Variants in CNTN5 observed in about 807,000 individuals in gnomAD.
CNTN5 encodes the protein contactin 5.
A neutral mutation model predicts 129.1 loss-of-function variants in CNTN5; 77 were observed. The ratio of observed to expected loss-of-function variants is 0.60; its 90% CI spans 0.50 to 0.72. The LOEUF is 0.72. CNTN5 is among the 30% of genes least tolerant of loss of function. The probability of loss-of-function intolerance (pLI) is 0.00; values close to 1 mark genes in which losing one functional copy is unlikely to be tolerated. For synonymous variants in CNTN5, 509 were observed against 465.6 expected (o/e 1.09, Z -1.20); for missense variants, 1,478 against 1,328.8 (o/e 1.11, Z -1.75).
chr11:99,318,989 T>A (rs1420446488), intron 1 of CNTN5, among the ~76,000 whole-genome samples: 1 of 152,164 alleles, frequency 6.6e-6, no homozygotes, highest in African/African-American at 2.4e-5. Flanking sequence ...TGACAGAATT[T>A]TATATTCTGT....
chr11:99,661,204 T>C lies in CNTN5; in HGVS notation c.55+104935T>C, dbSNP rs948671328. Among the ~76,000 whole-genome samples, 16 of 152,132 alleles carry C rather than the reference T, an allele frequency of 1.1e-4. 1 individual carries two copies. The highest frequency in any genetic ancestry group is 1.3e-4 in the Admixed American group (2 of 15,264). On this transcript the variant is annotated intron_variant, in intron 3 of 24. Transcript: ENST00000524871. Reference sequence around the variant, plus strand: ...ACAAATGGTTGGGATGATACTTAAATTAGGTCTGATAACAACATTTATATG... The same window carrying C: ...ACAAATGGTTGGGATGATACTTAAACTAGGTCTGATAACAACATTTATATG...
chr11:99,630,743 CTT>C (rs10529677), intron 3 of CNTN5, among the ~76,000 whole-genome samples: 20,092 of 152,076 alleles, frequency 0.13, 1,429 homozygotes, highest in South Asian at 0.22. Flanking sequence ...ACAGTAGAAA[CTT>C]TATATCAAGT....
At chr11:100,134,639 T>C (rs1413728291) in intron 13 of CNTN5, among the ~76,000 whole-genome samples, 1 of 152,164 alleles carries the variant, frequency 6.6e-6, no homozygotes. Flanking sequence ...GAGTGCCTAG[T>C]ACATTGTACC....
intron 1 of CNTN5, among the ~76,000 whole-genome samples, chr11:99,284,581 G>C (rs1863840405): frequency 6.8e-6 from 1 of 146,314 alleles, no homozygotes; most frequent in Non-Finnish European, 1.5e-5. Context: ...TGGAAGAACT[G>C]TTTACCCCAG....
intron 21 of CNTN5, among the ~76,000 whole-genome samples, chr11:100,336,191 A>G (rs1279433552): frequency 1.3e-5 from 2 of 152,230 alleles, no homozygotes; most frequent in Admixed American, 6.5e-5. Context: ...TTTGGAACCC[A>G]TAATCTTCTT....
intron 9 of CNTN5, among the ~76,000 whole-genome samples, chr11:100,030,520 T>C (rs1414293349): frequency 1.3e-5 from 2 of 152,220 alleles, no homozygotes; most frequent in East Asian, 3.9e-4. Context: ...GCCATAGATA[T>C]GCACAATCCA....
At chr11:99,475,924 C>T (rs1042724169) in intron 2 of CNTN5, among the ~76,000 whole-genome samples, 4 of 151,926 alleles carry the variant, frequency 2.6e-5, no homozygotes, top group Non-Finnish European at 5.9e-5. Context: ...CCCTTCTTTT[C>T]CTCTTTTCCT....
At chr11:99,247,453 T>G (rs921175920) in intron 1 of CNTN5, among the ~76,000 whole-genome samples, 2 of 150,372 alleles carry the variant, frequency 1.3e-5, no homozygotes, top group African/African-American at 2.4e-5. Context: ...CTACATTTCT[T>G]TTATTATTAT....
At chr11:99,982,295 C>A (rs1938395512) in intron 8 of CNTN5, among the ~76,000 whole-genome samples, 1 of 152,062 alleles carries the variant, frequency 6.6e-6, no homozygotes, top group Non-Finnish European at 1.5e-5. Context: ...GCTTGAATTT[C>A]ATCATAAGGC....
At position 99,226,825 on chromosome 11, in the gene CNTN5, C is replaced by T. The variant is rs182914303; in HGVS notation, c.-209-98521C>T. Among the ~76,000 whole-genome samples, 1,035 of 152,138 alleles carry T rather than the reference C, an allele frequency of 6.8e-3. 6 individuals carry two copies. The highest frequency in any genetic ancestry group is 0.018 in the South Asian group (88 of 4,822). ...TTTTTTGTTGAATTCAATTAAAATT[C>T]GTACAAAACAGAGCTCCATGCTAAC... is the stretch of plus-strand genomic sequence containing the variant. On this transcript the variant is annotated intron_variant, in intron 1 of 24. Transcript: ENST00000524871.
intron 2 of CNTN5, among the ~76,000 whole-genome samples, chr11:99,484,148 A>T (rs1945713612): frequency 6.6e-6 from 1 of 152,202 alleles, no homozygotes; most frequent in Admixed American, 6.5e-5. Flanking sequence ...TACCCAGAAT[A>T]TACAAAGAAC....
intron 3 of CNTN5, among the ~76,000 whole-genome samples, chr11:99,814,643 C>T (rs941195354): frequency 2.0e-5 from 3 of 151,834 alleles, no homozygotes; most frequent in African/African-American, 2.4e-5. Context: ...AGTAAGGTTA[C>T]GAATTATGAA....
At chr11:99,391,092 T>C (rs1233543619) in intron 2 of CNTN5, among the ~76,000 whole-genome samples, 1 of 152,112 alleles carries the variant, frequency 6.6e-6, no homozygotes, top group African/African-American at 2.4e-5. Context: ...TAGATGTTGT[T>C]TAAGTCTTTA....
chr11:100,151,180 GT>G lies in CNTN5; in HGVS notation c.1581-39945del, dbSNP rs149972036. Among the ~76,000 whole-genome samples the G allele has an allele frequency of 9.0e-3, 1,356 of 150,708 alleles. 23 individuals carry two copies. Among genetic ancestry groups the G allele is most frequent in the African/African-American group, 0.032 (1,294 of 40,888 alleles). ...CCATTTTATAATTAATTTAGTTGTT[GT>G]AATTGTTGTGTGTAATTAAACTTGT... On this transcript the variant is annotated intron_variant, in intron 13 of 24. Transcript: ENST00000524871.
At chr11:99,161,290 T>C (rs1203615731) in intron 1 of CNTN5, among the ~76,000 whole-genome samples, 2 of 152,210 alleles carry the variant, frequency 1.3e-5, no homozygotes, top group African/African-American at 4.8e-5. Context: ...TGAGACTCTA[T>C]GACAGATACT....
At chr11:99,515,874 C>A (rs1947029641) in intron 2 of CNTN5, among the ~76,000 whole-genome samples, 1 of 150,816 alleles carries the variant, frequency 6.6e-6, no homozygotes, top group Non-Finnish European at 1.5e-5. Flanking sequence ...TAATTGCTAG[C>A]TATGCTTTAA....
chr11:99,899,190 C>CT (rs551625336), intron 6 of CNTN5, among the ~76,000 whole-genome samples: 19 of 152,094 alleles, frequency 1.2e-4, no homozygotes, highest in African/African-American at 2.9e-4. Context: ...ATTTGACATC[C>CT]TTTTTCCCAA....
chr11:100,294,683 T>C (rs1951066739), intron 18 of CNTN5, among the ~76,000 whole-genome samples: 1 of 151,700 alleles, frequency 6.6e-6, no homozygotes, highest in African/African-American at 2.4e-5. Context: ...TATGTATTTC[T>C]CTGGACTCAG....
chr11:99,492,977 C>T (rs183763970), intron 2 of CNTN5, among the ~76,000 whole-genome samples: 1 of 152,228 alleles, frequency 6.6e-6, no homozygotes, highest in African/African-American at 2.4e-5. Context: ...GAATGAGTAA[C>T]TTATGGACTC....
Sources: allele counts gnomAD v4.1 joint callset (sites outside exome capture counted in the v4.1 genomes callset), GRCh38; gene constraint gnomAD v4.1.1; transcripts MANE v1.5; gene names NCBI Gene and HGNC (gene_info 2026-07-23, HGNC 2026-07-21).